NBAS: variants seen among roughly 807,000 people sequenced by gnomAD.
NBAS encodes the protein NBAS subunit of NRZ tethering complex.
Under a neutral mutation model 302.5 loss-of-function variants are expected in NBAS, and 219 were observed. The ratio of observed to expected loss-of-function variants is 0.72; its 90% CI spans 0.65 to 0.81. The LOEUF (loss-of-function observed/expected upper bound fraction) is 0.81. NBAS is among the 30% of genes least tolerant of loss of function. The pLI, the probability that NBAS is intolerant of heterozygous loss-of-function variation, is 0.00. For missense variants in NBAS, 2,932 were observed against 2,841.6 expected (o/e 1.03, Z -0.72); for synonymous variants, 1,118 against 1,021.6 (o/e 1.09, Z -1.80).
the NBAS span, among the ~76,000 whole-genome samples, chr2:14,882,597 G>C: frequency 6.6e-6 from 1 of 152,118 alleles, no homozygotes; most frequent in Non-Finnish European, 1.5e-5. Flanking sequence ...TCCTCAAAGA[G>C]AAATTATCAA....
intron 38 of NBAS, among the ~76,000 whole-genome samples, chr2:15,327,406 A>G (rs1026622708): frequency 1.3e-5 from 2 of 152,218 alleles, no homozygotes; most frequent in Non-Finnish European, 2.9e-5. Flanking sequence ...AAGATCAAAT[A>G]TGATCTACAT....
At chr2:14,934,448 T>C in the NBAS span, among the ~76,000 whole-genome samples, 2 of 152,174 alleles carry the variant, frequency 1.3e-5, no homozygotes, top group Non-Finnish European at 2.9e-5. Context: ...AACATTTAAC[T>C]CCTTTTCTAT....
At chr2:15,412,050 T>A (rs1474602102) in intron 25 of NBAS, among the ~76,000 whole-genome samples, 1 of 152,096 alleles carries the variant, frequency 6.6e-6, no homozygotes, top group African/African-American at 2.4e-5. Context: ...AAGAGGAAGG[T>A]TTGAGGCATA....
At chr2:14,878,782 T>G in the NBAS span, among the ~76,000 whole-genome samples, 57 of 152,300 alleles carry the variant, frequency 3.7e-4, no homozygotes, top group African/African-American at 1.3e-3. Flanking sequence ...TTTGTTACAG[T>G]TGATGAACCT....
At chr2:14,951,176 A>G in the NBAS span, among the ~76,000 whole-genome samples, 1 of 152,232 alleles carries the variant, frequency 6.6e-6, no homozygotes, top group African/African-American at 2.4e-5. Flanking sequence ...CCTAGTACAC[A>G]GAAGAAAGGA....
the NBAS span, among the ~76,000 whole-genome samples, chr2:15,135,506 T>C: frequency 6.6e-6 from 1 of 152,104 alleles, no homozygotes; most frequent in Non-Finnish European, 1.5e-5. Context: ...AACAGAGGCC[T>C]TTCCCGCCCT....
chr2:15,558,779 G>A, intron 1 of NBAS, 145 bp from the exon 2 acceptor site: 1 of 698,596 alleles, frequency 1.4e-6, no homozygotes, highest in South Asian at 1.6e-5. Flanking sequence ...ACTACTTAAA[G>A]ACTGGATGTT....
the NBAS span, among the ~76,000 whole-genome samples, chr2:14,780,437 T>C: frequency 1.3e-3 from 196 of 152,342 alleles, 1 homozygote; most frequent in African/African-American, 4.5e-3. Flanking sequence ...CAGTCCCTTC[T>C]AAATTAGGCC....
intron 21 of NBAS, among the ~76,000 whole-genome samples, chr2:15,444,344 A>G (rs1029296961): frequency 6.6e-6 from 1 of 152,210 alleles, no homozygotes; most frequent in Admixed American, 6.5e-5. Flanking sequence ...CTCAGAAATA[A>G]CGTCGCATAT....
chr2:15,409,007 C>T (rs191869442), intron 25 of NBAS, among the ~76,000 whole-genome samples: 1 of 152,120 alleles, frequency 6.6e-6, no homozygotes, highest in Non-Finnish European at 1.5e-5. Flanking sequence ...GACACCATCC[C>T]TACAAAAAGT....
At chr2:14,933,052 T>C in the NBAS span, among the ~76,000 whole-genome samples, 3 of 152,240 alleles carry the variant, frequency 2.0e-5, no homozygotes, top group South Asian at 6.2e-4. Context: ...AATAGTAAAG[T>C]GTGAAAGCTG....
In NBAS at chr2:15,518,460, C is replaced by T. The variant is rs116451566; in HGVS notation, c.747-7110G>A. Among the ~76,000 whole-genome samples, 1,211 of 152,128 alleles carry T rather than the reference C, an allele frequency of 8.0e-3. 21 individuals carry two copies. Among genetic ancestry groups the T allele is most frequent in the African/African-American group, 0.025 (1,051 of 41,502 alleles). On this transcript the variant is annotated intron_variant, in intron 9 of 51. Transcript: ENST00000281513. The stretch of plus-strand genomic sequence containing the variant: ...ATCCTCAAATATACAGAATATTTGA[C>T]TTTTAAGTGCTTAATTTCAAAATAA...
At chr2:15,186,181 CATATATATATAAAATATATATGT>C (rs1665076833) in intron 50 of NBAS, among the ~76,000 whole-genome samples, 1 of 148,476 alleles carries the variant, frequency 6.7e-6, no homozygotes, top group Non-Finnish European at 1.5e-5. Context: ...TATATATATG[CATATATATATAAAATATATATGT>C]ATATAATAAA....
At chr2:15,314,472 T>C (rs1372964309) in intron 38 of NBAS, among the ~76,000 whole-genome samples, 1 of 152,202 alleles carries the variant, frequency 6.6e-6, no homozygotes, top group Non-Finnish European at 1.5e-5. Flanking sequence ...ATGAATGGTA[T>C]TGGTGAGTTT....
At chr2:15,419,259 G>A (rs898364829) in intron 23 of NBAS, among the ~76,000 whole-genome samples, 1 of 152,178 alleles carries the variant, frequency 6.6e-6, no homozygotes, top group Non-Finnish European at 1.5e-5. Flanking sequence ...CAGAGCAGAT[G>A]AGAAATTTGA....
At chr2:14,864,308 G>A in the NBAS span, among the ~76,000 whole-genome samples, 5 of 142,804 alleles carry the variant, frequency 3.5e-5, no homozygotes, top group South Asian at 6.6e-4. Context: ...GTGACAGAGC[G>A]AGGCTCCATC....
chr2:14,823,644 G>A, the NBAS span, among the ~76,000 whole-genome samples: 6 of 152,268 alleles, frequency 3.9e-5, no homozygotes, highest in Admixed American at 2.6e-4. Flanking sequence ...CTTTCTAAAT[G>A]AAAAGCAAAC....
the NBAS span, among the ~76,000 whole-genome samples, chr2:15,132,104 G>C: frequency 6.6e-6 from 1 of 152,090 alleles, no homozygotes. Context: ...GAAAACTTAG[G>C]TCCACACAAA....
At chr2:14,954,233 T>A in the NBAS span, among the ~76,000 whole-genome samples, 1 of 152,170 alleles carries the variant, frequency 6.6e-6, no homozygotes, top group African/African-American at 2.4e-5. Flanking sequence ...TTTCCCAGGA[T>A]GTGCTAAAAT....
Sources: gnomAD v4.1 joint callset for allele counts (sites outside exome capture counted in the v4.1 genomes callset) on GRCh38, gnomAD v4.1.1 for gene constraint, MANE v1.5 for transcripts, NCBI Gene and HGNC (gene_info 2026-07-23, HGNC 2026-07-21) for gene names.